Variants in DPP10 observed in about 807,000 individuals in gnomAD.
DPP10 encodes the protein inactive dipeptidyl peptidase 10.
A neutral mutation model predicts 120.9 loss-of-function variants in DPP10; 33 were observed. That is an observed-to-expected ratio of 0.27 (90% CI 0.21 to 0.37). DPP10 has a LOEUF of 0.37. DPP10 is among the 10% of genes least tolerant of loss of function. The pLI is 1.00. For synonymous variants in DPP10, 337 were observed against 326.1 expected (o/e 1.03, Z -0.36); for missense variants, 816 against 942.8 (o/e 0.87, Z 1.76).
At chr2:114,780,434 A>G (rs1204348231) in intron 1 of DPP10, among the ~76,000 whole-genome samples, 2 of 152,140 alleles carry the variant, frequency 1.3e-5, no homozygotes, top group African/African-American at 2.4e-5. Flanking sequence ...GTTCCAATCT[A>G]ATTTCAGAAG....
chr2:115,155,788 G>GT (rs2051869485), intron 1 of DPP10, among the ~76,000 whole-genome samples: 1 of 152,134 alleles, frequency 6.6e-6, no homozygotes, highest in Non-Finnish European at 1.5e-5. Context: ...GGGATTTATG[G>GT]TATTTCATTT....
intron 1 of DPP10, among the ~76,000 whole-genome samples, chr2:115,002,915 A>T (rs1701542009): frequency 6.6e-6 from 1 of 152,098 alleles, no homozygotes. Context: ...TGCTGATGGG[A>T]GTGTAAATTA....
In DPP10 at chr2:115,689,647, G is replaced by C. The variant is rs753890509; in HGVS notation, c.442-40G>C. ...ATATATATACATATATTCACATTAA[G>C]ATAAAGCTATGATCAATAATGTTTC... is the stretch of plus-strand genomic sequence containing the variant. On this transcript the variant is annotated intron_variant, in intron 5 of 25. Transcript: ENST00000410059. 15 of 1,274,918 alleles carry C rather than the reference G, an allele frequency of 1.2e-5. No individual in the cohort carries two copies. The South Asian group carries it at 2.1e-4, about 18-fold the overall frequency. 79.0% of individuals were successfully genotyped at this position (1,274,918 alleles called of 1,614,324 possible).
At chr2:114,879,009 G>A (rs768643098) in intron 1 of DPP10, among the ~76,000 whole-genome samples, 2 of 152,058 alleles carry the variant, frequency 1.3e-5, no homozygotes, top group Non-Finnish European at 2.9e-5. Flanking sequence ...AGAAAGGTGT[G>A]TGATTATCTT....
intron 1 of DPP10, among the ~76,000 whole-genome samples, chr2:115,203,327 G>C (rs747808585): frequency 3.3e-5 from 5 of 152,162 alleles, no homozygotes; most frequent in Non-Finnish European, 7.4e-5. Context: ...TTCAATAGAT[G>C]CTCGGCACTT....
intron 1 of DPP10, among the ~76,000 whole-genome samples, chr2:114,881,617 T>TATCG (rs1026276205): frequency 4.6e-5 from 7 of 151,930 alleles, no homozygotes; most frequent in African/African-American, 1.2e-4. Flanking sequence ...TCTATCTATC[T>TATCG]ATCTATCTAT....
chr2:115,395,492 A>G (rs973123122), intron 3 of DPP10, among the ~76,000 whole-genome samples: 1 of 152,188 alleles, frequency 6.6e-6, no homozygotes, highest in Non-Finnish European at 1.5e-5. Context: ...AACAGCCTCC[A>G]TGAGCTTATT....
intron 5 of DPP10, among the ~76,000 whole-genome samples, chr2:115,646,377 TA>T (rs1000343953): frequency 1.1e-4 from 16 of 151,124 alleles, no homozygotes; most frequent in South Asian, 2.1e-4. Flanking sequence ...TGACTCTGGG[TA>T]AAAAAAAAGA....
At chr2:115,589,549 T>A (rs1052275608) in intron 5 of DPP10, among the ~76,000 whole-genome samples, 7 of 152,112 alleles carry the variant, frequency 4.6e-5, no homozygotes, top group Non-Finnish European at 8.8e-5. Flanking sequence ...TTATGAACAA[T>A]TTAAATCTGG....
intron 1 of DPP10, among the ~76,000 whole-genome samples, chr2:114,874,209 G>C (rs903292300): frequency 1.3e-5 from 2 of 152,266 alleles, no homozygotes; most frequent in Admixed American, 1.3e-4. Flanking sequence ...AACACCCCCA[G>C]ACTGGGAAGG....
chr2:114,538,049 G>C (rs961076569), intron 1 of DPP10, among the ~76,000 whole-genome samples: 1 of 152,114 alleles, frequency 6.6e-6, no homozygotes, highest in Non-Finnish European at 1.5e-5. Flanking sequence ...CAGGAGAATT[G>C]GTGTTTTTAT....
At chr2:115,354,702 C>T (rs780126962) in intron 3 of DPP10, among the ~76,000 whole-genome samples, 1 of 151,798 alleles carries the variant, frequency 6.6e-6, no homozygotes, top group Non-Finnish European at 1.5e-5. Context: ...CCTCCCCTCG[C>T]CCCCCACCCA....
chr2:115,579,071 T>C (rs2081860512), intron 5 of DPP10: 2 of 152,238 alleles, frequency 1.3e-5, no homozygotes, highest in African/African-American at 4.8e-5. Context: ...TTAACTTATT[T>C]CAAGTCACAC....
chr2:114,618,181 C>T (rs1222820939), intron 1 of DPP10, among the ~76,000 whole-genome samples: 1 of 152,048 alleles, frequency 6.6e-6, no homozygotes, highest in Non-Finnish European at 1.5e-5. Flanking sequence ...ATGTTAATAT[C>T]ATTGGATTAA....
intron 5 of DPP10, among the ~76,000 whole-genome samples, chr2:115,532,355 G>C (rs995986789): frequency 1.3e-5 from 2 of 151,872 alleles, no homozygotes; most frequent in African/African-American, 4.8e-5. Context: ...TTTTTTCTTA[G>C]CTCCAAAGTC....
intron 1 of DPP10, among the ~76,000 whole-genome samples, chr2:114,726,325 C>T (rs1702048349): frequency 6.6e-6 from 1 of 151,982 alleles, no homozygotes; most frequent in Non-Finnish European, 1.5e-5. Flanking sequence ...GTGATCTCCT[C>T]AAATTGATGT....
chr2:115,039,940 G>T (rs1421644412), intron 1 of DPP10, among the ~76,000 whole-genome samples: 3 of 151,686 alleles, frequency 2.0e-5, no homozygotes, highest in Non-Finnish European at 4.4e-5. Flanking sequence ...CACCTTACAT[G>T]GCCCATACAG....
At chr2:115,029,124 C>A (rs1215008140) in intron 1 of DPP10, among the ~76,000 whole-genome samples, 1 of 151,956 alleles carries the variant, frequency 6.6e-6, no homozygotes, top group African/African-American at 2.4e-5. Context: ...TTTTATAACT[C>A]ATTTTTTTCT....
At chr2:114,651,868 T>C (rs1037114046) in intron 1 of DPP10, among the ~76,000 whole-genome samples, 11 of 152,114 alleles carry the variant, frequency 7.2e-5, no homozygotes, top group Admixed American at 2.0e-4. Context: ...CCAGAGCAAA[T>C]GTCATAACCT....
Sources: gnomAD v4.1 joint callset for allele counts (sites outside exome capture counted in the v4.1 genomes callset) on GRCh38, gnomAD v4.1.1 for gene constraint, MANE v1.5 for transcripts, NCBI Gene and HGNC (gene_info 2026-07-23, HGNC 2026-07-21) for gene names.